CEP131: variants seen among roughly 807,000 people sequenced by gnomAD.
CEP131 encodes centrosomal protein 131.
Under a neutral mutation model 136.8 loss-of-function variants are expected in CEP131, and 99 were observed. The observed-to-expected ratio is 0.72, with a 90% CI of 0.62 to 0.86. CEP131 has a LOEUF of 0.86. Ranked by LOEUF, CEP131 falls within the 40% of genes least tolerant of loss-of-function variation. The pLI, the probability that CEP131 is intolerant of heterozygous loss-of-function variation, is 0.00. For missense variants in CEP131, 1,459 were observed against 1,463.0 expected (o/e 1.00, Z 0.04); for synonymous variants, 646 against 612.7 (o/e 1.05, Z -0.80).
At chr17:81,211,647 T>C (rs1410573810) in intron 2 of CEP131, among the ~76,000 whole-genome samples, 1 of 152,182 alleles carries the variant, frequency 6.6e-6, no homozygotes, top group African/African-American at 2.4e-5. Context: ...AATACGTGAT[T>C]TGTGGCCAGG....
chr17:81,219,757 G>T lies in CEP131; in HGVS notation c.177+123C>A. On this transcript the variant is annotated intron_variant, in intron 2 of 25. Coordinates refer to ENST00000450824, the MANE Select transcript of CEP131 (RefSeq NM_014984.4). This position sits in a 1 kb window ranked among gnomAD's most constrained non-coding sequence, Gnocchi z 4.0. ...ACCTGCCTCCTGGAACAGCCACGAGGATCCAGCATGTCCAGATGTGAGGCA... is the reference window on the plus strand; with the variant it reads ...ACCTGCCTCCTGGAACAGCCACGAGTATCCAGCATGTCCAGATGTGAGGCA... 9.4e-7 allele frequency: 1 copy of T among 1,069,400 alleles called. No homozygotes were observed. 66.2% of individuals were successfully genotyped at this position (1,069,400 alleles called of 1,614,324 possible). A position where few individuals can be genotyped will look rare whatever the true frequency, so the allele number is the denominator to read the frequency against.
intron 18 of CEP131, 85 bp downstream of exon 18, chr17:81,193,841 A>G: frequency 7.0e-7 from 1 of 1,426,146 alleles, no homozygotes; most frequent in South Asian, 1.3e-5. Flanking sequence ...GCCCACCTCT[A>G]CATGGGAACT....
chr17:81,206,617 C>T, intron 5 of CEP131, 127 bp downstream of exon 5: 2 of 1,317,030 alleles, frequency 1.5e-6, no homozygotes, highest in African/African-American at 1.5e-5. Context: ...GCCATTCTTT[C>T]ACTCACTCAC....
intron 15 of CEP131, among the ~76,000 whole-genome samples, chr17:81,196,309 G>A (rs2061754382): frequency 6.6e-6 from 1 of 152,198 alleles, no homozygotes. Flanking sequence ...GACCACACCA[G>A]CCTCACTGCC....
chr17:81,200,177 G>A (rs2061858556), intron 8 of CEP131, 152 bp downstream of exon 8: 1 of 673,792 alleles, frequency 1.5e-6, no homozygotes, highest in Admixed American at 2.9e-5. Context: ...ACTGTCCGCG[G>A]GGACCCAGGG....
chr17:81,219,192 C>CT lies in CEP131; in HGVS notation c.177+687dup, dbSNP rs2146755088. On this transcript the variant is annotated intron_variant, in intron 2 of 25. Coordinates refer to ENST00000450824, the MANE Select transcript of CEP131 (RefSeq NM_014984.4). This position sits in a 1 kb window ranked among gnomAD's most constrained non-coding sequence, Gnocchi z 4.0. The stretch of plus-strand genomic sequence containing the variant: ...AGGAAAGGCAGCTCTCACCCCGAAG[C>CT]TCCCACGGCTGTCCTGCTGCCCACA... Among the ~76,000 whole-genome samples the CT allele has an allele frequency of 6.6e-6, 1 of 152,304 alleles. No homozygotes were observed. The highest frequency in any genetic ancestry group is 2.4e-5 in the African/African-American group (1 of 41,566).
At chr17:81,192,685 G>GGGGGGGGGGGGGGCCCCC in intron 19 of CEP131, 51 bp downstream of exon 19, 3 of 478,406 alleles carry the variant, frequency 6.3e-6, no homozygotes, top group Non-Finnish European at 1.2e-5. Context: ...GGGGGGAGGG[G>GGGGGGGGGGGGGGCCCCC]TCAGCCAGCG....
At position 81,189,825 on chromosome 17, in the gene CEP131, C is replaced by T. The variant is rs779679804; in HGVS notation, c.3187G>A (p.Asp1063Asn). 8.1e-6 allele frequency: 13 copies of T among 1,611,642 alleles called. No individual in the cohort carries two copies. The highest frequency in any genetic ancestry group is 5.3e-5 in the African/African-American group (4 of 74,902). ...TQHEAAVKRADHLEELLEQHR... is the reference protein window; with the variant it reads ...TQHEAAVKRANHLEELLEQHR... ...TGCTCCAGCAGCTCCTCCAGGTGGTCGGCCCGCTTCACCGCAGCCTGCAGC... is the reference window on the plus strand; with the variant it reads ...TGCTCCAGCAGCTCCTCCAGGTGGTTGGCCCGCTTCACCGCAGCCTGCAGC... The change falls in exon 26 of 26, where the codon GAC (aspartate) becomes AAC (asparagine). Residue 1063 changes from aspartate (D) to asparagine (N), a missense_variant. Transcript: ENST00000450824.
chr17:81,218,731 C>T (rs1168025881), intron 2 of CEP131, among the ~76,000 whole-genome samples: 2 of 152,218 alleles, frequency 1.3e-5, no homozygotes, highest in Non-Finnish European at 2.9e-5. Context: ...AGCCGTCTGG[C>T]GGGCCACACC....
intron 18 of CEP131, 76 bp from the exon 19 acceptor site, chr17:81,192,919 C>A: frequency 2.6e-6 from 4 of 1,529,048 alleles, no homozygotes; most frequent in South Asian, 1.2e-5. Flanking sequence ...GGGGCACGGG[C>A]CGACCACAGG....
At chr17:81,202,057 C>T (rs184152921) in intron 7 of CEP131, among the ~76,000 whole-genome samples, 183 bp downstream of exon 7, 2,831 of 151,450 alleles carry the variant, frequency 0.019, 46 homozygotes, top group Non-Finnish European at 0.031. Flanking sequence ...GCAGAGATCG[C>T]GCCACTGCAC....
chr17:81,197,742 A>G lies in CEP131; in HGVS notation c.1617T>C (p.Ser539=), dbSNP rs2061795770. Residue 539 remains serine, a synonymous_variant, in exon 13 of 26, where the codon TCT becomes TCC. Coordinates refer to ENST00000450824, the MANE Select transcript of CEP131 (RefSeq NM_014984.4). ...GCTGGGAGTCCAGCTGGTCCTGCCCAGACTTCTCCATCTCGTCCAAGAAGC... is the reference window on the plus strand; with the variant it reads ...GCTGGGAGTCCAGCTGGTCCTGCCCGGACTTCTCCATCTCGTCCAAGAAGC... ...IMSFLDEMEK[S]GQDQLDSQQE... is the part of the protein sequence containing the mutation. The G allele has an allele frequency of 6.2e-7, 1 of 1,612,642 alleles. No homozygotes were observed. The highest frequency in any genetic ancestry group is 1.3e-5 in the African/African-American group (1 of 74,922).
chr17:81,217,749 C>A (rs1319842082), intron 2 of CEP131, among the ~76,000 whole-genome samples: 1 of 152,100 alleles, frequency 6.6e-6, no homozygotes, highest in Non-Finnish European at 1.5e-5. Flanking sequence ...AGTCGCCACT[C>A]AACACTGCGG....
At chr17:81,192,911 G>T in intron 18 of CEP131, 68 bp from the exon 19 acceptor site, 1 of 1,538,770 alleles carries the variant, frequency 6.5e-7, no homozygotes, top group East Asian at 2.4e-5. Context: ...CCACCGCAGG[G>T]GCACGGGCCG....
intron 24 of CEP131, 51 bp from the exon 25 acceptor site, chr17:81,190,026 A>C: frequency 6.5e-7 from 1 of 1,534,380 alleles, no homozygotes; most frequent in Admixed American, 1.8e-5. Context: ...CCATGTCCCC[A>C]GAGTGGCCTG....
At position 81,194,093 on chromosome 17, in the gene CEP131, C is replaced by G. The variant is rs559162201; in HGVS notation, c.2154G>C (p.Arg718Ser). 1 of 1,563,538 alleles carries G rather than the reference C, an allele frequency of 6.4e-7. No homozygotes were observed. The highest frequency in any genetic ancestry group is 8.6e-7 in the Non-Finnish European group (1 of 1,156,672). Reference sequence around the variant, plus strand: ...TGAGCCTCCGCACTTCCTGCTTGTGCCTTGCAATCAGCTTCTGGATCTCGG... The same window carrying G: ...TGAGCCTCCGCACTTCCTGCTTGTGGCTTGCAATCAGCTTCTGGATCTCGG... Reference protein sequence around the residue: ...LEPEIQKLIARHKQEVRRLKS... With the variant: ...LEPEIQKLIASHKQEVRRLKS... Residue 718 changes from arginine to serine, a missense_variant, in exon 18 of 26, where the codon AGG (arginine) becomes AGC (serine). Arg to Ser is a moderately radical substitution (Grantham distance 110, BLOSUM62 -1). Coordinates refer to ENST00000450824, the MANE Select transcript of CEP131 (RefSeq NM_014984.4).
At chr17:81,202,791 A>G (rs2061922859) in intron 6 of CEP131, among the ~76,000 whole-genome samples, 1 of 152,084 alleles carries the variant, frequency 6.6e-6, no homozygotes, top group Non-Finnish European at 1.5e-5. Flanking sequence ...GTGAAACCCC[A>G]TTTCTACTAA....
chr17:81,214,097 T>C (rs1456786925), intron 2 of CEP131, among the ~76,000 whole-genome samples: 1 of 151,884 alleles, frequency 6.6e-6, no homozygotes, highest in African/African-American at 2.4e-5. Flanking sequence ...AAATCAAGTG[T>C]GGACTTTAGT....
chr17:81,208,257 T>C lies in CEP131; in HGVS notation c.272+671A>G, dbSNP rs2062058858. On this transcript the variant is annotated intron_variant, in intron 3 of 25. Transcript: ENST00000450824. The surrounding 1 kb of genome is among the most constrained non-coding windows in gnomAD (Gnocchi z 5.6). Reference sequence around the variant, plus strand: ...GGTGTGGTGGCCGCAGTTCTTGGTCTTCCCAGGAAGGGTCCACCCGGGGCC... The same window carrying C: ...GGTGTGGTGGCCGCAGTTCTTGGTCCTCCCAGGAAGGGTCCACCCGGGGCC... Among the ~76,000 whole-genome samples the C allele has an allele frequency of 6.6e-6, 1 of 152,148 alleles. No homozygotes were observed. Among genetic ancestry groups the C allele is most frequent in the African/African-American group, 2.4e-5 (1 of 41,438 alleles).
Sources: allele counts gnomAD v4.1 joint callset (sites outside exome capture counted in the v4.1 genomes callset), GRCh38; gene constraint gnomAD v4.1.1; non-coding constraint Gnocchi (gnomAD v3.1); transcripts MANE v1.5; gene names NCBI Gene and HGNC (gene_info 2026-07-23, HGNC 2026-07-21).